The following XPNPEP3 variants were observed in gnomAD, a reference collection of about 807,000 sequenced individuals.
XPNPEP3 encodes the protein X-prolyl aminopeptidase 3.
XPNPEP3 carries 41 observed loss-of-function variants against 60.0 expected under a neutral mutation model. The observed-to-expected ratio is 0.68, with a 90% confidence interval of 0.53 to 0.89. The LOEUF (loss-of-function observed/expected upper bound fraction) is 0.89. Ranked by LOEUF, XPNPEP3 falls within the 40% of genes least tolerant of loss-of-function variation. The pLI, the probability that XPNPEP3 is intolerant of heterozygous loss-of-function variation, is 0.00. For synonymous variants in XPNPEP3, 212 were observed against 223.2 expected (o/e 0.95, Z 0.45); for missense variants, 598 against 638.9 (o/e 0.94, Z 0.69).
intron 7 of XPNPEP3, among the ~76,000 whole-genome samples, chr22:40,915,075 G>A (rs1333361645): frequency 4.1e-5 from 5 of 123,394 alleles, no homozygotes; most frequent in African/African-American, 9.3e-5. Flanking sequence ...TTTTTGAGAC[G>A]GAGTCTCGCT....
At position 40,893,105 on chromosome 22, in the gene XPNPEP3, AAT is replaced by A. The variant is rs200570950; in HGVS notation, c.792+6598_792+6599del. Among the ~76,000 whole-genome samples, 55 of 142,682 alleles carry A rather than the reference AAT, an allele frequency of 3.9e-4. No homozygotes were observed. The East Asian group carries it at 0.012, about 32-fold the overall frequency. The allele number at this position is 142,682 out of a possible 152,430, so 93.6% of individuals were successfully genotyped here. A position where few individuals can be genotyped will look rare whatever the true frequency, so the allele number is the denominator to read the frequency against. ...ATATTATATATTTAGTTTATATATA[AAT>A]ATATATAAATATATATTATATATTG... On this transcript the variant is annotated intron_variant, in intron 4 of 9. Coordinates refer to ENST00000357137, the MANE Select transcript of XPNPEP3 (RefSeq NM_022098.4).
intron 6 of XPNPEP3, among the ~76,000 whole-genome samples, chr22:40,911,830 A>G (rs2058178333): frequency 6.6e-6 from 1 of 152,096 alleles, no homozygotes; most frequent in South Asian, 2.1e-4. Flanking sequence ...ATGAGCCACC[A>G]TGCCCGTCCT....
chr22:40,862,145 TGAG>T, intron 1 of XPNPEP3: 3 of 1,446,282 alleles, frequency 2.1e-6, no homozygotes, highest in South Asian at 1.5e-5. Context: ...TGCTAAGAGA[TGAG>T]GATACTGATT....
rs970240914 is a variant in XPNPEP3, at chr22:40,926,816, A to T, written c.*381A>T. 2.3e-5 allele frequency: 7 copies of T among 309,458 alleles called. No individual in the cohort carries two copies. The highest frequency in any genetic ancestry group is 4.4e-5 in the Non-Finnish European group (7 of 159,564). 19.2% of individuals were successfully genotyped at this position (309,458 alleles called of 1,614,324 possible). On this transcript the variant is annotated 3_prime_UTR_variant, in exon 10 of 10. Transcript: ENST00000357137. Reference sequence around the variant, plus strand: ...CTTCCCTTTCTATACTTTTGCTGAGATCAACCCAATATCATAAGAAGTTTG... The same window carrying T: ...CTTCCCTTTCTATACTTTTGCTGAGTTCAACCCAATATCATAAGAAGTTTG...
rs1296549629 is a variant in XPNPEP3, at chr22:40,931,686, G to C, written c.*5251G>C. On this transcript the variant is annotated 3_prime_UTR_variant, in exon 10 of 10. Coordinates refer to ENST00000357137, the MANE Select transcript of XPNPEP3 (RefSeq NM_022098.4). The stretch of plus-strand genomic sequence containing the variant: ...CCATGATTGTGCCACTTCACCCTGG[G>C]CAACAGAGAAAGACCCTGTCTCAAT... 2 of 152,090 alleles carry C rather than the reference G, an allele frequency of 1.3e-5. No individual in the cohort carries two copies. Among genetic ancestry groups the C allele is most frequent in the Non-Finnish European group, 2.9e-5 (2 of 68,056 alleles). 9.4% of individuals were successfully genotyped at this position (152,090 alleles called of 1,614,324 possible).
chr22:40,857,202 C>T lies in XPNPEP3; in HGVS notation c.21C>T (p.Ala7=). 6.2e-7 allele frequency: 1 copy of T among 1,614,220 alleles called. No homozygotes were observed. Residue 7 remains alanine (A), a synonymous_variant, in exon 1 of 10, where the codon GCC becomes GCT. Coordinates refer to ENST00000357137, the MANE Select transcript of XPNPEP3 (RefSeq NM_022098.4). ...CCGTAATGCCTTGGCTGCTCTCAGC[C>T]CCCAAGCTGGTTCCCGCTGTAGCAA... MPWLLS[A]PKLVPAVANV... is the part of the protein sequence containing the mutation.
chr22:40,861,514 CCT>C lies in XPNPEP3; in HGVS notation c.64+4270_64+4271del, dbSNP rs369915278. The C allele has an allele frequency of 6.4e-5, 104 of 1,614,074 alleles. 1 individual carries two copies. The African/African-American group carries it at 1.2e-3, about 18-fold the overall frequency. ...GTAAGGCCTTCATGCCCCAATGAAC[CCT>C]GTGATGTATATCCTGTATCATATGA... On this transcript the variant is annotated intron_variant, in intron 1 of 9. Coordinates refer to ENST00000357137, the MANE Select transcript of XPNPEP3 (RefSeq NM_022098.4).
intron 4 of XPNPEP3, among the ~76,000 whole-genome samples, chr22:40,892,974 A>C (rs968314155): frequency 3.9e-5 from 6 of 152,038 alleles, no homozygotes; most frequent in Admixed American, 2.0e-4. Context: ...GCATTCTGTC[A>C]TCATATTCTG....
intron 1 of XPNPEP3, among the ~76,000 whole-genome samples, chr22:40,868,446 T>TGA (rs201438528): frequency 0.017 from 2,639 of 151,948 alleles, 75 homozygotes; most frequent in African/African-American, 0.058. Context: ...TGTGTGTGTG[T>TGA]GTGTGTGTAT....
At position 40,884,899 on chromosome 22, in the gene XPNPEP3, G is replaced by A. The variant is rs533681641; in HGVS notation, c.590-1414G>A. On this transcript the variant is annotated intron_variant, in intron 3 of 9. Transcript: ENST00000357137. ...AAAAATTAGCTGGACGTGGTGGCAT[G>A]CGCCTGTAATCCCAGCTACTTGGGA... is the stretch of plus-strand genomic sequence containing the variant. 6.6e-5 allele frequency among the ~76,000 whole-genome samples: 10 copies of A among 151,698 alleles called. No homozygotes were observed. In the South Asian group the frequency reaches 2.1e-3, roughly 32 times the overall value.
intron 1 of XPNPEP3, 110 bp downstream of exon 1, chr22:40,857,355 C>G: frequency 1.7e-6 from 2 of 1,206,928 alleles, no homozygotes; most frequent in Non-Finnish European, 2.4e-6. Context: ...GGCCTCCGCT[C>G]CCCAACCCTC....
chr22:40,923,381 G>T (rs1048515200), intron 8 of XPNPEP3, among the ~76,000 whole-genome samples: 1 of 152,002 alleles, frequency 6.6e-6, no homozygotes, highest in Admixed American at 6.6e-5. Context: ...ATGTGATGGT[G>T]TTCAGTAAAA....
In XPNPEP3 at chr22:40,932,168, TC is replaced by T. The variant is rs1334270367; in HGVS notation, c.*5734del. On this transcript the variant is annotated 3_prime_UTR_variant, in exon 10 of 10. Coordinates refer to ENST00000357137, the MANE Select transcript of XPNPEP3 (RefSeq NM_022098.4). ...CTTTGTAACAGTGTTTCCAATAACTTCTGCCAATAAAACAGAATTTGAGTTA... is the reference window on the plus strand; with the variant it reads ...CTTTGTAACAGTGTTTCCAATAACTTTGCCAATAAAACAGAATTTGAGTTA... The T allele has an allele frequency of 1.3e-5, 2 of 152,158 alleles. No individual in the cohort carries two copies. Among genetic ancestry groups the T allele is most frequent in the Non-Finnish European group, 2.9e-5 (2 of 68,036 alleles). The allele number at this position is 152,158 out of a possible 1,614,324, so 9.4% of individuals were successfully genotyped here. A position where few individuals can be genotyped will look rare whatever the true frequency, so the allele number is the denominator to read the frequency against.
At chr22:40,885,605 G>A (rs1283372028) in intron 3 of XPNPEP3, among the ~76,000 whole-genome samples, 1 of 152,188 alleles carries the variant, frequency 6.6e-6, no homozygotes, top group African/African-American at 2.4e-5. Context: ...CATGATCTGA[G>A]TATGTTTTTC....
chr22:40,924,442 C>T lies in XPNPEP3; in HGVS notation c.1317C>T (p.Ser439=), dbSNP rs1332802457. The change falls in exon 9 of 10, where the codon TCC becomes TCT. Residue 439 remains serine (S), a synonymous_variant. Transcript: ENST00000357137. ...DVHDTPDMPR[S]LPLQPGMVIT... ...ATGACACTCCAGACATGCCCCGTTC[C>T]CTCCCTCTGCAGCCTGGGATGGTAA... 6.8e-6 allele frequency: 11 copies of T among 1,614,050 alleles called. No individual in the cohort carries two copies. The highest frequency in any genetic ancestry group is 7.6e-6 in the Non-Finnish European group (9 of 1,180,046).
rs753200352 is a variant in XPNPEP3, at chr22:40,861,486, GAAGT to G, written c.64+4245_64+4248del. 44 of 1,614,012 alleles carry G rather than the reference GAAGT, an allele frequency of 2.7e-5. No homozygotes were observed. The Middle Eastern group carries it at 4.9e-4, about 18-fold the overall frequency. On this transcript the variant is annotated intron_variant, in intron 1 of 9. Coordinates refer to ENST00000357137, the MANE Select transcript of XPNPEP3 (RefSeq NM_022098.4). ...ATTATCAAAAGCCAGGGAAGAGAAA[GAAGT>G]AAGGCCTTCATGCCCCAATGAACCC...
At chr22:40,872,773 A>G (rs966853156) in intron 2 of XPNPEP3, among the ~76,000 whole-genome samples, 1 of 151,990 alleles carries the variant, frequency 6.6e-6, no homozygotes, top group Admixed American at 6.6e-5. Context: ...TGTACAGATT[A>G]TATTATATTA....
chr22:40,919,843 C>A (rs933582143), intron 7 of XPNPEP3, among the ~76,000 whole-genome samples: 9 of 152,146 alleles, frequency 5.9e-5, no homozygotes, highest in African/African-American at 2.2e-4. Flanking sequence ...TAAAAAAGAA[C>A]ATTTTAATTA....
chr22:40,882,198 T>A (rs748565147), intron 3 of XPNPEP3, 21 bp downstream of exon 3: 4 of 1,613,580 alleles, frequency 2.5e-6, no homozygotes. Context: ...GGAGCAGAAG[T>A]CACATTACAA....
Sources: gnomAD v4.1 joint callset for allele counts (sites outside exome capture counted in the v4.1 genomes callset) on GRCh38, gnomAD v4.1.1 for gene constraint, MANE v1.5 for transcripts, NCBI Gene and HGNC (gene_info 2026-07-23, HGNC 2026-07-21) for gene names.